Variants in SLC9A7 observed in about 807,000 individuals in gnomAD.
SLC9A7 encodes solute carrier family 9 member A7.
In SLC9A7, 19 loss-of-function variants were observed where a neutral mutation model predicts 52.6. That is an observed-to-expected ratio of 0.36 (90% CI 0.25 to 0.53). SLC9A7 has a LOEUF of 0.53. Ranked by LOEUF, SLC9A7 falls within the 20% of genes least tolerant of loss-of-function variation. SLC9A7 has a pLI of 0.91. For synonymous variants in SLC9A7, 226 were observed against 252.1 expected, an observed-to-expected ratio of 0.90 and a Z score of 0.98; for missense variants, 455 against 597.9, an observed-to-expected ratio of 0.76 and a Z score of 2.49.
Position 46,653,777 on chromosome X carries a change from T to C in SLC9A7, c.1042-63A>G, listed in dbSNP as rs1943623510. 5 of 883,130 alleles carry C rather than the reference T, an allele frequency of 5.7e-6. No homozygotes were observed. The Admixed American group carries it at 1.2e-4, about 21-fold the overall frequency. The allele number at this position is 883,130 out of a possible 1,213,427, so 72.8% of individuals were successfully genotyped here. A position where few individuals can be genotyped will look rare whatever the true frequency, so the allele number is the denominator to read the frequency against. On this transcript the variant is annotated intron_variant, in intron 7 of 16. Coordinates refer to ENST00000616978, the MANE Select transcript of SLC9A7 (RefSeq NM_001257291.2). ...GTATCAGGGCCACCAAGAACCATACTCCACTAGCCCAGGACCCCTCCCCAA... is the reference window on the plus strand; with the variant it reads ...GTATCAGGGCCACCAAGAACCATACCCCACTAGCCCAGGACCCCTCCCCAA...
intron 3 of SLC9A7, among the ~76,000 whole-genome samples, chrX:46,679,150 T>G (rs1288772840): frequency 1.8e-5 from 2 of 112,544 alleles, no homozygotes; most frequent in Non-Finnish European, 3.8e-5. Context: ...TGAGATTGGA[T>G]TTTTTTCACT....
chrX:46,717,920 T>C lies in SLC9A7; in HGVS notation c.326-35385A>G, dbSNP rs780072780. ...CACCCCCAATCAAGCTACCAATGAC[T>C]TTCTTCACAGAATTGGAAAAAACTA... On this transcript the variant is annotated intron_variant, in intron 1 of 16. Coordinates refer to ENST00000616978, the MANE Select transcript of SLC9A7 (RefSeq NM_001257291.2). Among the ~76,000 whole-genome samples, 5 of 111,648 alleles carry C rather than the reference T, an allele frequency of 4.5e-5. No homozygotes were observed. The East Asian group carries it at 1.1e-3, about 25-fold the overall frequency.
chrX:46,732,185 C>T (rs977804557), intron 1 of SLC9A7, among the ~76,000 whole-genome samples: 1 of 111,276 alleles, frequency 9.0e-6, no homozygotes, highest in African/African-American at 3.3e-5. Flanking sequence ...GAGATTGTGC[C>T]ATTGCACTCC....
chrX:46,678,546 C>A (rs1318271522), intron 3 of SLC9A7, among the ~76,000 whole-genome samples: 1 of 108,122 alleles, frequency 9.2e-6, no homozygotes, highest in Non-Finnish European at 1.9e-5. Context: ...AAGCTCCCCA[C>A]CTCAGACTCC....
At chrX:46,662,700 G>A in intron 5 of SLC9A7, 57 bp from the exon 6 acceptor site, 2 of 899,345 alleles carry the variant, frequency 2.2e-6, no homozygotes, top group East Asian at 3.2e-5. Flanking sequence ...TTAAATCACT[G>A]ATTACAGATT....
chrX:46,637,382 T>C (rs918837840), intron 12 of SLC9A7, among the ~76,000 whole-genome samples: 2 of 112,662 alleles, frequency 1.8e-5, no homozygotes, highest in Non-Finnish European at 3.7e-5. Context: ...GCAAATGTTA[T>C]TACATAAAGA....
intron 12 of SLC9A7, among the ~76,000 whole-genome samples, chrX:46,640,839 C>G (rs1943395210): frequency 8.9e-6 from 1 of 112,123 alleles, no homozygotes; most frequent in East Asian, 2.8e-4. Flanking sequence ...ATGAGATATT[C>G]CCACATACCT....
chrX:46,723,330 GA>G (rs1203589836), intron 1 of SLC9A7, among the ~76,000 whole-genome samples: 3 of 94,315 alleles, frequency 3.2e-5, no homozygotes, highest in African/African-American at 7.7e-5. Flanking sequence ...AAGAAAGAAA[GA>G]AAAAAAACAG....
intron 1 of SLC9A7, among the ~76,000 whole-genome samples, chrX:46,737,870 A>T (rs936252053): frequency 9.3e-6 from 1 of 107,810 alleles, no homozygotes; most frequent in African/African-American, 3.4e-5. Context: ...CTACAAAATT[A>T]AAAAAAAACT....
intron 13 of SLC9A7, among the ~76,000 whole-genome samples, chrX:46,633,486 G>A (rs1335466011): frequency 4.6e-5 from 5 of 107,834 alleles, no homozygotes; most frequent in Non-Finnish European, 5.7e-5. Flanking sequence ...GCAGGGTTGA[G>A]GGCCTCTTGG....
Position 46,599,399 on chromosome X carries a change from TAAG to T in SLC9A7, c.*7550_*7552del, listed in dbSNP as rs1380066387. ...GAACCTCTCAGTGAGGGAAACAGACTAAGAATAGTATCACACTACAGCCTTCTA... is the reference window on the plus strand; with the variant it reads ...GAACCTCTCAGTGAGGGAAACAGACTAATAGTATCACACTACAGCCTTCTA... On this transcript the variant is annotated 3_prime_UTR_variant, in exon 17 of 17. Coordinates refer to ENST00000616978, the MANE Select transcript of SLC9A7 (RefSeq NM_001257291.2). 2.7e-5 allele frequency: 3 copies of T among 112,304 alleles called. No homozygotes were observed. Among genetic ancestry groups the T allele is most frequent in the Non-Finnish European group, 5.6e-5 (3 of 53,303 alleles). 9.3% of individuals were successfully genotyped at this position (112,304 alleles called of 1,213,427 possible).
At chrX:46,657,177 G>T (rs1053886661) in intron 7 of SLC9A7, among the ~76,000 whole-genome samples, 25 of 110,760 alleles carry the variant, frequency 2.3e-4, no homozygotes, top group African/African-American at 7.9e-4. Flanking sequence ...AATGCTGAGA[G>T]ATTTTGTCAC....
chrX:46,750,184 G>C (rs1264999591), intron 1 of SLC9A7, among the ~76,000 whole-genome samples: 1 of 111,450 alleles, frequency 9.0e-6, no homozygotes, highest in Non-Finnish European at 1.9e-5. Flanking sequence ...GCGGGATTCA[G>C]GTTCTGCTCT....
intron 12 of SLC9A7, among the ~76,000 whole-genome samples, chrX:46,640,848 C>T (rs114739835): frequency 0.029 from 3,261 of 112,070 alleles, 98 homozygotes; most frequent in South Asian, 0.12. Context: ...TCCCACATAC[C>T]TATTGGAACA....
At chrX:46,639,776 A>G (rs1442997773) in intron 12 of SLC9A7, among the ~76,000 whole-genome samples, 17 of 89,203 alleles carry the variant, frequency 1.9e-4, no homozygotes, top group Admixed American at 1.9e-3. Flanking sequence ...GTCTATGTAG[A>G]AAATTCAAAA....
At chrX:46,726,947 C>T (rs139935874) in intron 1 of SLC9A7, among the ~76,000 whole-genome samples, 500 of 111,803 alleles carry the variant, frequency 4.5e-3, no homozygotes, top group Non-Finnish European at 7.4e-3. Flanking sequence ...TTACAGCTTC[C>T]CAGTGGAGGG....
intron 1 of SLC9A7, among the ~76,000 whole-genome samples, chrX:46,703,376 T>A (rs1355460509): frequency 8.9e-6 from 1 of 112,233 alleles, no homozygotes; most frequent in Non-Finnish European, 1.9e-5. Context: ...TCTACTAGGA[T>A]TAATATAGTT....
At position 46,604,284 on chromosome X, in the gene SLC9A7, T is replaced by C. The variant is rs62593972; in HGVS notation, c.*2668A>G. On this transcript the variant is annotated 3_prime_UTR_variant, in exon 17 of 17. Transcript: ENST00000616978. ...GGGTGTAGGTCTTATTCTTAAGTCC[T>C]TCACTAGCCTAGTTGACCCTGAGGG... 2 of 111,857 alleles carry C rather than the reference T, an allele frequency of 1.8e-5. No homozygotes were observed. The highest frequency in any genetic ancestry group is 6.5e-5 in the African/African-American group (2 of 30,704). The allele number at this position is 111,857 out of a possible 1,213,427, so 9.2% of individuals were successfully genotyped here.
At chrX:46,665,899 A>C (rs1943913093) in intron 5 of SLC9A7, among the ~76,000 whole-genome samples, 1 of 110,979 alleles carries the variant, frequency 9.0e-6, no homozygotes, top group African/African-American at 3.3e-5. Flanking sequence ...AAAAGCCCAC[A>C]AAGATGGCAC....
Sources: gnomAD v4.1 joint callset for allele counts (sites outside exome capture counted in the v4.1 genomes callset) on GRCh38, gnomAD v4.1.1 for gene constraint, MANE v1.5 for transcripts, NCBI Gene and HGNC (gene_info 2026-07-23, HGNC 2026-07-21) for gene names.